Variants in IPCEF1 observed in about 807,000 individuals in gnomAD.
IPCEF1 encodes the protein interactor protein for cytohesin exchange factors 1.
In IPCEF1, 31 loss-of-function variants were observed where a neutral mutation model predicts 50.9. The ratio of observed to expected loss-of-function variants is 0.61; its 90% CI spans 0.46 to 0.82. The LOEUF is 0.82. Among genes scored for constraint, IPCEF1 ranks in the 40% least tolerant of loss-of-function variants. The pLI, the probability that IPCEF1 is intolerant of heterozygous loss-of-function variation, is 0.00. For missense variants in IPCEF1, 458 were observed against 514.0 expected, an observed-to-expected ratio of 0.89 and a Z score of 1.05; for synonymous variants, 181 against 192.0, an observed-to-expected ratio of 0.94 and a Z score of 0.47.
In IPCEF1 at chr6:154,329,640, AG is replaced by A. The variant is rs1783610168; in HGVS notation, c.-62+27031del. On this transcript the variant is annotated intron_variant, in intron 1 of 11. Coordinates refer to ENST00000367220, the MANE Select transcript of IPCEF1 (RefSeq NM_001130700.2). ...AAGAGAGAGAGAGAAAGAAAAAGAA[AG>A]AAAGAAAGAAAGATCCAAAAACTAA... Among the ~76,000 whole-genome samples, 6 of 146,418 alleles carry A rather than the reference AG, an allele frequency of 4.1e-5. 1 individual carries two copies. The South Asian group carries it at 1.1e-3, about 27-fold the overall frequency.
rs28529292 is a variant in IPCEF1, at chr6:154,338,907, C to T, written c.-62+17765G>A. On this transcript the variant is annotated intron_variant, in intron 1 of 11. Coordinates refer to ENST00000367220, the MANE Select transcript of IPCEF1 (RefSeq NM_001130700.2). The stretch of plus-strand genomic sequence containing the variant: ...GAGCCAAGACTGCAACACTGCACTC[C>T]AGCCCGAGTGACACAGCAAAACCCT... Among the ~76,000 whole-genome samples, 1,004 of 152,166 alleles carry T rather than the reference C, an allele frequency of 6.6e-3. 17 individuals carry two copies. The highest frequency in any genetic ancestry group is 0.034 in the Admixed American group (520 of 15,278).
chr6:154,285,709 T>C (rs1326873361), intron 2 of IPCEF1, among the ~76,000 whole-genome samples: 1 of 152,200 alleles, frequency 6.6e-6, no homozygotes, highest in South Asian at 2.1e-4. Flanking sequence ...GAAGAAAATA[T>C]ATGTGGTCAT....
rs1396958291 is a variant in IPCEF1 at position 154,236,189 on chromosome 6, A to G, written c.246+10402T>C. On this transcript the variant is annotated intron_variant, in intron 5 of 11. Coordinates refer to ENST00000367220, the MANE Select transcript of IPCEF1 (RefSeq NM_001130700.2). ...AGTCAATAAACAAAATGTGGTACACACATCAAGGGGATAAGATTCAGCTTA... is the reference window on the plus strand; with the variant it reads ...AGTCAATAAACAAAATGTGGTACACGCATCAAGGGGATAAGATTCAGCTTA... 2.0e-5 allele frequency among the ~76,000 whole-genome samples: 3 copies of G among 152,360 alleles called. No individual in the cohort carries two copies. In the East Asian group the frequency reaches 5.8e-4, roughly 29 times the overall value.
intron 1 of IPCEF1, among the ~76,000 whole-genome samples, chr6:154,324,739 C>T (rs1289677969): frequency 6.6e-6 from 1 of 152,150 alleles, no homozygotes. Context: ...ACCCAGGAAG[C>T]GGAAGTTGCA....
chr6:154,349,026 T>A (rs1286332228), intron 1 of IPCEF1, among the ~76,000 whole-genome samples: 1 of 152,120 alleles, frequency 6.6e-6, no homozygotes, highest in African/African-American at 2.4e-5. Context: ...CCTTCAAACA[T>A]AACTTTGTAT....
At chr6:154,338,350 A>G (rs1315137362) in intron 1 of IPCEF1, among the ~76,000 whole-genome samples, 3 of 152,326 alleles carry the variant, frequency 2.0e-5, no homozygotes, top group East Asian at 1.9e-4. Context: ...CTTTATGGAT[A>G]GGGAACTGAG....
At position 154,268,099 on chromosome 6, in the gene IPCEF1, G is replaced by T. The variant is rs574196104; in HGVS notation, c.-17-2135C>A. On this transcript the variant is annotated intron_variant, in intron 2 of 11. Transcript: ENST00000367220. ...TCTCACCAGGGACCTGCCCCCTTCC[G>T]CCCTGGCATCTGTCTGCCTCCTGCT... is the stretch of plus-strand genomic sequence containing the variant. Among the ~76,000 whole-genome samples the T allele has an allele frequency of 4.7e-4, 71 of 152,290 alleles. 2 individuals carry two copies. In the South Asian group the frequency reaches 8.9e-3, roughly 19 times the overall value.
In IPCEF1 at chr6:154,228,750, G is replaced by A. The variant is rs112743544; in HGVS notation, c.247-5507C>T. 4.8e-3 allele frequency among the ~76,000 whole-genome samples: 724 copies of A among 152,308 alleles called. 3 individuals carry two copies. The highest frequency in any genetic ancestry group is 0.017 in the African/African-American group (686 of 41,568). ...AAACACTCTGCTCTTGGCCAGATGTGGTGGCTCATGCCTGTAATCTCAAGT... is the reference window on the plus strand; with the variant it reads ...AAACACTCTGCTCTTGGCCAGATGTAGTGGCTCATGCCTGTAATCTCAAGT... On this transcript the variant is annotated intron_variant, in intron 5 of 11. Coordinates refer to ENST00000367220, the MANE Select transcript of IPCEF1 (RefSeq NM_001130700.2).
chr6:154,201,910 CA>C (rs1777102649), intron 9 of IPCEF1, among the ~76,000 whole-genome samples: 1 of 151,968 alleles, frequency 6.6e-6, no homozygotes, highest in African/African-American at 2.4e-5. Flanking sequence ...AACAAACAAA[CA>C]AAAAAACTCC....
intron 1 of IPCEF1, among the ~76,000 whole-genome samples, chr6:154,321,808 C>G (rs760165647): frequency 0.018 from 2,210 of 120,008 alleles, 62 homozygotes; most frequent in Non-Finnish European, 0.028. Flanking sequence ...AAAAAAAAAC[C>G]AAGGAACCTT....
chr6:154,182,621 T>C (rs1800983798), intron 10 of IPCEF1, among the ~76,000 whole-genome samples: 1 of 152,212 alleles, frequency 6.6e-6, no homozygotes, highest in Admixed American at 6.5e-5. Flanking sequence ...AAAAAAGATA[T>C]TTGATCGCCT....
intron 10 of IPCEF1, among the ~76,000 whole-genome samples, chr6:154,170,478 C>T (rs1799785813): frequency 6.6e-6 from 1 of 152,204 alleles, no homozygotes; most frequent in African/African-American, 2.4e-5. Flanking sequence ...CCCAGAAAGT[C>T]ACCAATACTC....
At chr6:154,320,272 G>C (rs1223756410) in intron 1 of IPCEF1, among the ~76,000 whole-genome samples, 3 of 152,096 alleles carry the variant, frequency 2.0e-5, no homozygotes, top group Non-Finnish European at 4.4e-5. Flanking sequence ...ACTATTTCAA[G>C]ACTTATTTTT....
chr6:154,172,364 C>T (rs936241089), intron 10 of IPCEF1, among the ~76,000 whole-genome samples: 10 of 152,192 alleles, frequency 6.6e-5, no homozygotes, highest in East Asian at 1.9e-4. Context: ...CACAAGGGGT[C>T]GGGGGATTTC....
chr6:154,349,607 G>A (rs1194194248), intron 1 of IPCEF1, among the ~76,000 whole-genome samples: 1 of 151,934 alleles, frequency 6.6e-6, no homozygotes, highest in Non-Finnish European at 1.5e-5. Flanking sequence ...CTAAGGTTCA[G>A]TCTCTATTAA....
At chr6:154,281,987 A>G (rs2128664439) in intron 2 of IPCEF1, among the ~76,000 whole-genome samples, 1 of 151,250 alleles carries the variant, frequency 6.6e-6, no homozygotes, top group East Asian at 2.0e-4. Context: ...CTGGGCAACA[A>G]GAGTGAAACT....
Position 154,168,199 on chromosome 6 carries a change from C to CG in IPCEF1, c.911-87dup. 2.1e-6 allele frequency: 2 copies of CG among 967,102 alleles called. No individual in the cohort carries two copies. The highest frequency in any genetic ancestry group is 3.0e-6 in the Non-Finnish European group (2 of 667,114). 59.9% of individuals were successfully genotyped at this position (967,102 alleles called of 1,614,324 possible). On this transcript the variant is annotated intron_variant, in intron 10 of 11. Transcript: ENST00000367220. This position sits in a 1 kb window ranked among gnomAD's most constrained non-coding sequence, Gnocchi z 4.1. ...CATTCAATACTGTGGTCCCAAGGCA[C>CG]GGCCCCACTGGCACCCTCATCTCAG...
intron 9 of IPCEF1, among the ~76,000 whole-genome samples, chr6:154,210,198 AC>A (rs1019700527): frequency 1.3e-5 from 2 of 152,198 alleles, no homozygotes; most frequent in Non-Finnish European, 2.9e-5. Context: ...CTTTTATTTC[AC>A]CAGTGTGTTC....
chr6:154,237,114 C>T (rs1780196099), intron 5 of IPCEF1, among the ~76,000 whole-genome samples: 1 of 152,180 alleles, frequency 6.6e-6, no homozygotes, highest in African/African-American at 2.4e-5. Flanking sequence ...GCAGCTGGAA[C>T]CTGACCCTTA....
Sources: gnomAD v4.1 joint callset for allele counts (sites outside exome capture counted in the v4.1 genomes callset) on GRCh38, gnomAD v4.1.1 for gene constraint, Gnocchi (gnomAD v3.1) non-coding constraint, MANE v1.5 for transcripts, NCBI Gene and HGNC (gene_info 2026-07-23, HGNC 2026-07-21) for gene names.